VPS13B: variants seen among roughly 807,000 people sequenced by gnomAD.
The protein encoded by VPS13B is vacuolar protein sorting 13 homolog B.
In VPS13B, 285 loss-of-function variants were observed where a neutral mutation model predicts 426.4. The ratio of observed to expected loss-of-function variants is 0.67; its 90% CI spans 0.61 to 0.74. The LOEUF is 0.74. Among genes scored for constraint, VPS13B ranks in the 30% least tolerant of loss-of-function variants. The pLI is 0.00. For synonymous variants in VPS13B, 1,676 were observed against 1,676.4 expected, an observed-to-expected ratio of 1.00 and a Z score of 0.01; for missense variants, 4,537 against 4,782.6, an observed-to-expected ratio of 0.95 and a Z score of 1.51.
chr8:99,777,531 C>T (rs1489013486), intron 41 of VPS13B, among the ~76,000 whole-genome samples: 1 of 152,132 alleles, frequency 6.6e-6, no homozygotes, highest in Non-Finnish European at 1.5e-5. Context: ...TCTCCCACAA[C>T]ACGTGGGAAT....
intron 12 of VPS13B, 142 bp from the exon 13 acceptor site, chr8:99,142,832 C>T (rs763513030): frequency 8.9e-5 from 65 of 728,804 alleles, no homozygotes; most frequent in Non-Finnish European, 1.3e-4. Flanking sequence ...TACAAATCAG[C>T]AGGGCTCTCT....
chr8:99,457,122 C>T (rs888480321), intron 23 of VPS13B, among the ~76,000 whole-genome samples: 7 of 151,622 alleles, frequency 4.6e-5, no homozygotes, highest in African/African-American at 1.5e-4. Flanking sequence ...ATCTCTGCCT[C>T]CCGGGTTCAA....
intron 35 of VPS13B, chr8:99,697,876 T>C (rs1481527459): frequency 3.8e-6 from 2 of 530,078 alleles, no homozygotes; most frequent in East Asian, 4.8e-5. Context: ...TCAACATCAA[T>C]GACCTCATCA....
chr8:99,766,740 T>A, intron 39 of VPS13B, 34 bp from the exon 40 acceptor site: 1 of 1,574,848 alleles, frequency 6.3e-7, no homozygotes, highest in Non-Finnish European at 8.7e-7. Flanking sequence ...TAGTTTCTAT[T>A]TGCAACTTCT....
At chr8:99,229,958 G>A (rs1563615478) in intron 17 of VPS13B, among the ~76,000 whole-genome samples, 1 of 152,140 alleles carries the variant, frequency 6.6e-6, no homozygotes, top group African/African-American at 2.4e-5. Context: ...ATACAATGTT[G>A]TCACTTGGAT....
chr8:99,782,262 CGTTT>C (rs1215697281), intron 42 of VPS13B, among the ~76,000 whole-genome samples: 1 of 151,912 alleles, frequency 6.6e-6, no homozygotes, highest in African/African-American at 2.4e-5. Context: ...CCAAAGTTTT[CGTTT>C]GTTTATTTCC....
At chr8:99,300,167 G>T (rs564368295) in intron 19 of VPS13B, among the ~76,000 whole-genome samples, 1 of 152,112 alleles carries the variant, frequency 6.6e-6, no homozygotes, top group African/African-American at 2.4e-5. Context: ...GTGTTTGTGT[G>T]TACACCAGGG....
At chr8:99,250,409 GTTAAGA>G (rs1817440552) in intron 17 of VPS13B, among the ~76,000 whole-genome samples, 2 of 151,948 alleles carry the variant, frequency 1.3e-5, no homozygotes, top group South Asian at 2.1e-4. Flanking sequence ...TAATTTTGTT[GTTAAGA>G]TTAAGAACTC....
At chr8:99,804,372 TAGG>T (rs1233681004) in intron 43 of VPS13B, 3 of 152,108 alleles carry the variant, frequency 2.0e-5, no homozygotes, top group East Asian at 3.9e-4. Context: ...CTGCAGAAAA[TAGG>T]AGGCAGGGTG....
chr8:99,740,221 C>T (rs1809629351), intron 39 of VPS13B, among the ~76,000 whole-genome samples: 1 of 152,036 alleles, frequency 6.6e-6, no homozygotes, highest in Non-Finnish European at 1.5e-5. Context: ...GAAAGGGTAT[C>T]AGTGATGGAA....
chr8:99,512,323 A>G (rs1380491722), intron 29 of VPS13B, among the ~76,000 whole-genome samples: 1 of 152,236 alleles, frequency 6.6e-6, no homozygotes, highest in Non-Finnish European at 1.5e-5. Context: ...TTATTTACCA[A>G]TTACAAGTGA....
At chr8:99,747,055 G>C (rs896369633) in intron 39 of VPS13B, among the ~76,000 whole-genome samples, 10 of 152,048 alleles carry the variant, frequency 6.6e-5, no homozygotes, top group Admixed American at 5.9e-4. Flanking sequence ...TCAAGGTTTG[G>C]ATTTAGTCTT....
rs1281733005 is a variant in VPS13B at position 99,778,992 on chromosome 8, A to G, written c.7740A>G (p.Val2580=). 6.2e-7 allele frequency: 1 copy of G among 1,613,702 alleles called. No homozygotes were observed. Among genetic ancestry groups the G allele is most frequent in the Non-Finnish European group, 8.5e-7 (1 of 1,179,840 alleles). ...TATTTGTAAACCTTGGACAGCATGT[A>G]GTCCATTCACTAAACACTGCAATAC... The part of the protein sequence containing the change: ...DSVFVNLGQH[V]VHSLNTAIQA... Residue 2580 remains valine (V), a synonymous_variant, in exon 42 of 62, where the codon GTA becomes GTG. Coordinates refer to ENST00000357162, the MANE Select transcript of VPS13B (RefSeq NM_152564.5).
In VPS13B at chr8:99,877,499, C is replaced by T. The variant is rs1324424455; in HGVS notation, c.*1833C>T. ...TTTTCACTAATACCTGGGTTTAATACAGCTCACATCACTGAATGTTACACA... is the reference window on the plus strand; with the variant it reads ...TTTTCACTAATACCTGGGTTTAATATAGCTCACATCACTGAATGTTACACA... On this transcript the variant is annotated 3_prime_UTR_variant, in exon 62 of 62. Coordinates refer to ENST00000357162, the MANE Select transcript of VPS13B (RefSeq NM_152564.5). 2.0e-5 allele frequency: 3 copies of T among 152,592 alleles called. No homozygotes were observed. The highest frequency in any genetic ancestry group is 2.9e-5 in the Non-Finnish European group (2 of 68,044). 9.5% of individuals were successfully genotyped at this position (152,592 alleles called of 1,614,324 possible).
chr8:99,857,109 T>G (rs2130926497), intron 56 of VPS13B, among the ~76,000 whole-genome samples: 1 of 152,304 alleles, frequency 6.6e-6, no homozygotes, highest in East Asian at 1.9e-4. Flanking sequence ...CTTGGATCTG[T>G]CTGCCCTTTT....
At chr8:99,776,188 G>A (rs933332686) in intron 40 of VPS13B, among the ~76,000 whole-genome samples, 1 of 152,146 alleles carries the variant, frequency 6.6e-6, no homozygotes, top group African/African-American at 2.4e-5. Flanking sequence ...ACTCTGAACT[G>A]CATTGATCTT....
At chr8:99,262,858 C>T (rs1038930585) in intron 17 of VPS13B, among the ~76,000 whole-genome samples, 18 of 151,990 alleles carry the variant, frequency 1.2e-4, no homozygotes, top group African/African-American at 3.4e-4. Context: ...ATGACCATGA[C>T]GCACTGAAGC....
chr8:99,257,872 G>T (rs1467370952), intron 17 of VPS13B, among the ~76,000 whole-genome samples: 2 of 150,600 alleles, frequency 1.3e-5, no homozygotes, highest in Non-Finnish European at 3.0e-5. Flanking sequence ...CAGAATATGG[G>T]GTTTACTATA....
chr8:99,172,518 C>T (rs1320920572), intron 16 of VPS13B, among the ~76,000 whole-genome samples: 1 of 152,108 alleles, frequency 6.6e-6, no homozygotes, highest in Non-Finnish European at 1.5e-5. Context: ...ACTGGCCTCA[C>T]AAGATTTTCG....
Sources: allele counts gnomAD v4.1 joint callset (sites outside exome capture counted in the v4.1 genomes callset), GRCh38; gene constraint gnomAD v4.1.1; transcripts MANE v1.5; gene names NCBI Gene and HGNC (gene_info 2026-07-23, HGNC 2026-07-21).